ANKRD28: variants seen among roughly 807,000 people sequenced by gnomAD.
The protein encoded by ANKRD28 is ankyrin repeat domain 28.
In ANKRD28, 44 loss-of-function variants were observed where a neutral mutation model predicts 126.5. The ratio of observed to expected loss-of-function variants is 0.35; its 90% confidence interval spans 0.27 to 0.45. The LOEUF is 0.45. ANKRD28 is among the 20% of genes least tolerant of loss of function. ANKRD28 has a pLI of 1.00. For synonymous variants in ANKRD28, 442 were observed against 468.5 expected, an observed-to-expected ratio of 0.94 and a Z score of 0.73; for missense variants, 1,110 against 1,316.6, an observed-to-expected ratio of 0.84 and a Z score of 2.43.
chr3:15,749,130 G>A (rs1372970658), intron 4 of ANKRD28, among the ~76,000 whole-genome samples: 10 of 106,910 alleles, frequency 9.4e-5, no homozygotes, highest in Admixed American at 9.2e-4. Flanking sequence ...TTGAGACGGA[G>A]TCTCGCTCTG....
intron 1 of ANKRD28, among the ~76,000 whole-genome samples, chr3:15,828,971 C>A (rs893489104): frequency 1.9e-4 from 29 of 152,208 alleles, no homozygotes; most frequent in Non-Finnish European, 2.6e-4. Flanking sequence ...ATCTCCTAGC[C>A]TGTAGTAACC....
At chr3:15,749,594 G>A (rs905601585) in intron 4 of ANKRD28, among the ~76,000 whole-genome samples, 3 of 152,128 alleles carry the variant, frequency 2.0e-5, no homozygotes, top group African/African-American at 7.2e-5. Flanking sequence ...TACCAGAATT[G>A]TTTTTCTGGT....
At chr3:15,820,297 C>T (rs2060915378) in intron 1 of ANKRD28, among the ~76,000 whole-genome samples, 2 of 152,000 alleles carry the variant, frequency 1.3e-5, no homozygotes, top group Non-Finnish European at 2.9e-5. Context: ...TGGCTATATG[C>T]ATATTGACAA....
intron 1 of ANKRD28, among the ~76,000 whole-genome samples, chr3:15,835,011 G>A (rs1171979643): frequency 6.6e-6 from 1 of 152,160 alleles, no homozygotes; most frequent in East Asian, 1.9e-4. Flanking sequence ...AGCCATGTGT[G>A]TTGGCGCACA....
intron 2 of ANKRD28, among the ~76,000 whole-genome samples, chr3:15,766,637 A>C (rs1575598615): frequency 6.6e-6 from 1 of 152,150 alleles, no homozygotes; most frequent in East Asian, 1.9e-4. Flanking sequence ...GCACCACTGT[A>C]CTCCACCCTG....
At chr3:15,713,161 A>G (rs1481479385) in intron 10 of ANKRD28, among the ~76,000 whole-genome samples, 1 of 152,160 alleles carries the variant, frequency 6.6e-6, no homozygotes, top group Non-Finnish European at 1.5e-5. Flanking sequence ...CAGCCTGAAA[A>G]GTATTATCTA....
chr3:15,794,139 T>C (rs1358019619), intron 2 of ANKRD28, among the ~76,000 whole-genome samples: 1 of 152,062 alleles, frequency 6.6e-6, no homozygotes, highest in Non-Finnish European at 1.5e-5. Flanking sequence ...AAATATAAAC[T>C]TGAAGGCAAT....
intron 1 of ANKRD28, among the ~76,000 whole-genome samples, chr3:15,829,924 A>G (rs939760862): frequency 2.0e-5 from 3 of 151,894 alleles, no homozygotes; most frequent in African/African-American, 7.3e-5. Flanking sequence ...TTTTTCAAGT[A>G]AAAAGGTATT....
In ANKRD28 at chr3:15,846,016, C is replaced by T. The variant is rs1336564534; in HGVS notation, c.27+13361G>A. Reference sequence around the variant, plus strand: ...TTTGGGTGGGGACACAGAGCCAAACCATATCATTCCACACCTGGCCACTCC... The same window carrying T: ...TTTGGGTGGGGACACAGAGCCAAACTATATCATTCCACACCTGGCCACTCC... On this transcript the variant is annotated intron_variant, in intron 1 of 27. Coordinates refer to the ANKRD28 transcript ENST00000399451. The surrounding 1 kb of genome is among the most constrained non-coding windows in gnomAD (Gnocchi z 5.4). Among the ~76,000 whole-genome samples, 1 of 152,134 alleles carries T rather than the reference C, an allele frequency of 6.6e-6. No individual in the cohort carries two copies. Among genetic ancestry groups the T allele is most frequent in the Non-Finnish European group, 1.5e-5 (1 of 68,022 alleles).
chr3:15,761,457 G>C (rs995000910), intron 3 of ANKRD28, among the ~76,000 whole-genome samples: 6 of 151,942 alleles, frequency 3.9e-5, no homozygotes, highest in Admixed American at 1.3e-4. Context: ...TCATTAAAAG[G>C]CTGTTTTGAT....
chr3:15,707,434 C>T (rs566588233), intron 14 of ANKRD28, among the ~76,000 whole-genome samples: 25 of 152,338 alleles, frequency 1.6e-4, no homozygotes, highest in African/African-American at 5.5e-4. Context: ...GTAGTACCTA[C>T]TACGTACCAG....
At chr3:15,787,636 CAG>C (rs1651656371) in intron 2 of ANKRD28, among the ~76,000 whole-genome samples, 1 of 152,138 alleles carries the variant, frequency 6.6e-6, no homozygotes, top group African/African-American at 2.4e-5. Context: ...GGTTTTAGGA[CAG>C]AGAGTGCACA....
Position 15,839,910 on chromosome 3 carries a change from T to C in ANKRD28, c.27+19467A>G, listed in dbSNP as rs1432163568. ...ACAGAAGAAACATACCTCAACATAA[T>C]GAAAGCCATATACCACAGACACATA... On this transcript the variant is annotated intron_variant, in intron 1 of 27. Coordinates refer to the ANKRD28 transcript ENST00000399451. This position sits in a 1 kb window ranked among gnomAD's most constrained non-coding sequence, Gnocchi z 4.3. Among the ~76,000 whole-genome samples the C allele has an allele frequency of 6.6e-6, 1 of 152,118 alleles. No homozygotes were observed. The highest frequency in any genetic ancestry group is 1.5e-5 in the Non-Finnish European group (1 of 68,034).
chr3:15,828,858 G>A (rs2061128257), intron 1 of ANKRD28, among the ~76,000 whole-genome samples: 1 of 152,006 alleles, frequency 6.6e-6, no homozygotes, highest in Admixed American at 6.6e-5. Flanking sequence ...CTAAATCAAG[G>A]TAACTCTGCT....
Position 15,726,701 on chromosome 3 carries a change from A to C in ANKRD28, c.641-2177T>G, listed in dbSNP as rs561954056. On this transcript the variant is annotated intron_variant, in intron 6 of 27. Coordinates refer to ENST00000683139, the MANE Select transcript of ANKRD28 (RefSeq NM_001349278.2). Reference sequence around the variant, plus strand: ...GATTATTAATGAAGGTGGCTACATTAAACAGCAGATTTTCAATGCAGATGA... The same window carrying C: ...GATTATTAATGAAGGTGGCTACATTCAACAGCAGATTTTCAATGCAGATGA... 4.6e-5 allele frequency among the ~76,000 whole-genome samples: 7 copies of C among 152,382 alleles called. No homozygotes were observed. The East Asian group carries it at 7.7e-4, about 17-fold the overall frequency.
upstream of ANKRD28, among the ~76,000 whole-genome samples, chr3:15,802,269 G>C (rs11914300): frequency 0.025 from 3,775 of 152,220 alleles, 163 homozygotes; most frequent in African/African-American, 0.084. Flanking sequence ...AACCAAACAA[G>C]GACCATAGTC....
chr3:15,734,616 A>C (rs922969821), intron 6 of ANKRD28, among the ~76,000 whole-genome samples: 3 of 152,234 alleles, frequency 2.0e-5, no homozygotes, highest in Non-Finnish European at 4.4e-5. Context: ...GCTTCTTACC[A>C]GAGGCACAAC....
chr3:15,699,276 A>C (rs1388495252), intron 14 of ANKRD28, among the ~76,000 whole-genome samples: 1 of 152,204 alleles, frequency 6.6e-6, no homozygotes, highest in East Asian at 1.9e-4. Context: ...TAGACCTAAA[A>C]CCATAAAAAA....
chr3:15,706,532 T>C (rs1440579956), intron 14 of ANKRD28, among the ~76,000 whole-genome samples: 2 of 152,318 alleles, frequency 1.3e-5, no homozygotes, highest in East Asian at 1.9e-4. Flanking sequence ...CTATTGTGAA[T>C]AGTGTCACAA....
Sources: allele counts gnomAD v4.1 joint callset (sites outside exome capture counted in the v4.1 genomes callset), GRCh38; gene constraint gnomAD v4.1.1; non-coding constraint Gnocchi (gnomAD v3.1); transcripts MANE v1.5; gene names NCBI Gene and HGNC (gene_info 2026-07-23, HGNC 2026-07-21).